Variants in ATL2 observed in about 807,000 individuals in gnomAD.
ATL2 encodes the protein atlastin GTPase 2.
Under a neutral mutation model 73.9 loss-of-function variants are expected in ATL2, and 31 were observed. That is an observed-to-expected ratio of 0.42 (90% CI 0.32 to 0.57). ATL2 has a LOEUF of 0.57. Among genes scored for constraint, ATL2 ranks in the 20% least tolerant of loss-of-function variants. The probability of loss-of-function intolerance (pLI) is 0.14; values close to 1 mark genes in which losing one functional copy is unlikely to be tolerated. For missense variants in ATL2, 738 were observed against 702.6 expected (o/e 1.05, Z -0.57); for synonymous variants, 291 against 237.5 (o/e 1.23, Z -2.07).
intron 1 of ATL2, among the ~76,000 whole-genome samples, chr2:38,350,265 C>G (rs775310037): frequency 6.6e-6 from 1 of 152,162 alleles, no homozygotes; most frequent in Non-Finnish European, 1.5e-5. Context: ...GTTTTCCCTA[C>G]GCTAGCCCCC....
At chr2:38,368,906 T>C (rs567148377) in intron 1 of ATL2, among the ~76,000 whole-genome samples, 8 of 152,216 alleles carry the variant, frequency 5.3e-5, no homozygotes, top group Admixed American at 2.0e-4. Context: ...CTGGGCAACA[T>C]AGTGATACCT....
chr2:38,296,758 A>C (rs977071240), intron 12 of ATL2: 11 of 1,550,592 alleles, frequency 7.1e-6, no homozygotes, highest in Non-Finnish European at 9.6e-6. Context: ...TTGACACAGC[A>C]CAGATCTCTG....
At chr2:38,328,519 C>T (rs907805215) in intron 2 of ATL2, among the ~76,000 whole-genome samples, 10 of 152,058 alleles carry the variant, frequency 6.6e-5, no homozygotes, top group African/African-American at 1.7e-4. Flanking sequence ...AAATCAGTAA[C>T]AGAAACACAG....
chr2:38,322,526 TAA>T (rs1203553740), intron 2 of ATL2, among the ~76,000 whole-genome samples: 2 of 152,094 alleles, frequency 1.3e-5, no homozygotes, highest in African/African-American at 4.8e-5. Context: ...AATACAATCA[TAA>T]AAAGACAGTA....
chr2:38,338,830 C>A (rs1358704195), intron 2 of ATL2, among the ~76,000 whole-genome samples: 5 of 152,172 alleles, frequency 3.3e-5, no homozygotes, highest in Non-Finnish European at 7.3e-5. Flanking sequence ...CAGGAGTATT[C>A]TTTCCAAAAT....
Position 38,321,888 on chromosome 2 carries a change from T to G in ATL2, c.364-2869A>C, listed in dbSNP as rs929355130. 3.3e-5 allele frequency among the ~76,000 whole-genome samples: 5 copies of G among 152,050 alleles called. 1 individual carries two copies. Among genetic ancestry groups the G allele is most frequent in the Non-Finnish European group, 7.4e-5 (5 of 68,002 alleles). ...CCACCACACCTGGCTGATTTTGGTA[T>G]TTTTTGTAGAGAGGGGGTTTCGCCA... On this transcript the variant is annotated intron_variant, in intron 2 of 12. Coordinates refer to ENST00000378954, the MANE Select transcript of ATL2 (RefSeq NM_001135673.4).
intron 9 of ATL2, among the ~76,000 whole-genome samples, chr2:38,308,208 C>CT (rs1346492395): frequency 6.6e-6 from 1 of 152,186 alleles, no homozygotes; most frequent in Non-Finnish European, 1.5e-5. Context: ...CAACCTGTGT[C>CT]TATCAATATA....
intron 1 of ATL2, among the ~76,000 whole-genome samples, chr2:38,347,064 A>C (rs1670055506): frequency 6.6e-6 from 1 of 152,208 alleles, no homozygotes; most frequent in Non-Finnish European, 1.5e-5. Context: ...CTATCACTTG[A>C]ATATTTATGT....
intron 2 of ATL2, among the ~76,000 whole-genome samples, chr2:38,325,695 CCAGTACACACA>C: frequency 1.1e-4 from 1 of 9,244 alleles, no homozygotes; most frequent in Non-Finnish European, 1.9e-4. Flanking sequence ...CACACACACA[CCAGTACACACA>C]CACACACACA....
intron 2 of ATL2, among the ~76,000 whole-genome samples, chr2:38,338,496 T>C (rs1330052319): frequency 1.3e-5 from 2 of 151,722 alleles, no homozygotes. Context: ...CTTTGGATTG[T>C]AACTCAAGTA....
Position 38,335,670 on chromosome 2 carries a change from A to G in ATL2, c.363+7598T>C, listed in dbSNP as rs1401410742. Among the ~76,000 whole-genome samples, 3 of 146,140 alleles carry G rather than the reference A, an allele frequency of 2.1e-5. 1 individual carries two copies. The highest frequency in any genetic ancestry group is 4.4e-5 in the Non-Finnish European group (3 of 68,040). On this transcript the variant is annotated intron_variant, in intron 2 of 12. Coordinates refer to ENST00000378954, the MANE Select transcript of ATL2 (RefSeq NM_001135673.4). ...CTTGTTCTGAGAGACAGTGGTTACT[A>G]TAACATATATATATATAAAAATGCA... is the stretch of plus-strand genomic sequence containing the variant.
chr2:38,344,683 C>A (rs562919837), intron 1 of ATL2, among the ~76,000 whole-genome samples: 2 of 152,226 alleles, frequency 1.3e-5, no homozygotes, highest in South Asian at 4.1e-4. Flanking sequence ...AGGGTTCTAA[C>A]AAGTTTCCAA....
intron 1 of ATL2, among the ~76,000 whole-genome samples, chr2:38,357,191 G>A (rs925695187): frequency 6.6e-6 from 1 of 152,034 alleles, no homozygotes; most frequent in Non-Finnish European, 1.5e-5. Context: ...AGCTGGGCAT[G>A]GTGGTGGGTG....
intron 2 of ATL2, among the ~76,000 whole-genome samples, chr2:38,341,737 C>T (rs1669730740): frequency 6.6e-6 from 1 of 152,126 alleles, no homozygotes; most frequent in Non-Finnish European, 1.5e-5. Flanking sequence ...ATAAACTATG[C>T]TATTGATACT....
chr2:38,356,949 G>C (rs1417018273), intron 1 of ATL2, among the ~76,000 whole-genome samples: 2 of 152,092 alleles, frequency 1.3e-5, no homozygotes, highest in African/African-American at 4.8e-5. Flanking sequence ...TTTTACGACA[G>C]GTTTTTTAAT....
chr2:38,322,315 G>C (rs974618666), intron 2 of ATL2, among the ~76,000 whole-genome samples: 2 of 152,128 alleles, frequency 1.3e-5, no homozygotes, highest in Non-Finnish European at 2.9e-5. Context: ...TCCTCTACAA[G>C]AAGGTAAGTT....
intron 1 of ATL2, among the ~76,000 whole-genome samples, chr2:38,356,727 T>A (rs1253071520): frequency 6.6e-6 from 1 of 152,224 alleles, no homozygotes; most frequent in Non-Finnish European, 1.5e-5. Flanking sequence ...AAACTGTTAA[T>A]GTAAATAAAA....
intron 1 of ATL2, among the ~76,000 whole-genome samples, chr2:38,345,899 G>C (rs906413413): frequency 6.6e-6 from 1 of 152,184 alleles, no homozygotes; most frequent in East Asian, 1.9e-4. Context: ...TAACTCATAG[G>C]GTTGTCATCA....
At chr2:38,308,033 G>A (rs1163054315) in intron 9 of ATL2, among the ~76,000 whole-genome samples, 1 of 151,724 alleles carries the variant, frequency 6.6e-6, no homozygotes, top group Non-Finnish European at 1.5e-5. Flanking sequence ...AACCACTATG[G>A]AGAACAGTTT....
Sources: allele counts gnomAD v4.1 joint callset (sites outside exome capture counted in the v4.1 genomes callset), GRCh38; gene constraint gnomAD v4.1.1; transcripts MANE v1.5; gene names NCBI Gene and HGNC (gene_info 2026-07-23, HGNC 2026-07-21).